Variants in PIGL observed in about 807,000 individuals in gnomAD.
PIGL encodes the protein N-acetylglucosaminyl-phosphatidylinositol de-N-acetylase.
Under a neutral mutation model 31.1 loss-of-function variants are expected in PIGL, and 22 were observed. The ratio of observed to expected loss-of-function variants is 0.71; its 90% CI spans 0.51 to 1.01. The LOEUF is 1.01. Among genes scored for constraint, PIGL ranks in the 50% least tolerant of loss-of-function variants. The pLI is 0.00. For synonymous variants in PIGL, 131 were observed against 117.4 expected, an observed-to-expected ratio of 1.12 and a Z score of -0.75; for missense variants, 302 against 315.9, an observed-to-expected ratio of 0.96 and a Z score of 0.33.
rs1285566194 is a variant in PIGL at position 16,239,342 on chromosome 17, G to T, written c.335+5272G>T. On this transcript the variant is annotated intron_variant, in intron 2 of 6. Transcript: ENST00000225609. ...ACTAAAGATACAAAAAATTAGCCAG[G>T]CGTGGTGGCATACACCTGTAATCCC... Among the ~76,000 whole-genome samples the T allele has an allele frequency of 2.6e-5, 4 of 151,734 alleles. 1 individual carries two copies. Among genetic ancestry groups the T allele is most frequent in the Admixed American group, 2.0e-4 (3 of 15,206 alleles).
intron 2 of PIGL, among the ~76,000 whole-genome samples, chr17:16,293,635 C>G (rs924818260): frequency 3.3e-5 from 5 of 152,216 alleles, no homozygotes; most frequent in Admixed American, 3.3e-4. Flanking sequence ...GTACTTCTGT[C>G]AAGCAACTAG....
At chr17:16,244,003 C>A (rs1289325441) in intron 2 of PIGL, among the ~76,000 whole-genome samples, 1 of 152,088 alleles carries the variant, frequency 6.6e-6, no homozygotes, top group Non-Finnish European at 1.5e-5. Flanking sequence ...CATGGGGAGT[C>A]GAAGGTCTCT....
At chr17:16,256,162 T>C (rs923016101) in intron 2 of PIGL, among the ~76,000 whole-genome samples, 2 of 152,340 alleles carry the variant, frequency 1.3e-5, no homozygotes, top group African/African-American at 4.8e-5. Context: ...TATTGTGATA[T>C]TCATTGCAGC....
intron 2 of PIGL, among the ~76,000 whole-genome samples, chr17:16,241,588 T>C (rs1032904376): frequency 1.3e-5 from 2 of 151,814 alleles, no homozygotes; most frequent in Non-Finnish European, 2.9e-5. Context: ...AAGAAAATCT[T>C]TGGGGTGAAT....
At chr17:16,291,925 T>C (rs1318197932) in intron 2 of PIGL, among the ~76,000 whole-genome samples, 1 of 151,296 alleles carries the variant, frequency 6.6e-6, no homozygotes, top group East Asian at 1.9e-4. Flanking sequence ...ACCAGGAGTT[T>C]AAGACTAGCC....
At chr17:16,311,603 G>GCGGCCTTC in intron 3 of PIGL, among the ~76,000 whole-genome samples, 1 of 148,618 alleles carries the variant, frequency 6.7e-6, no homozygotes, top group East Asian at 2.0e-4. Context: ...AGAGGACCCT[G>GCGGCCTTC]CGGCCTTCCG....
intron 2 of PIGL, among the ~76,000 whole-genome samples, chr17:16,257,292 C>T (rs1205117678): frequency 6.6e-6 from 1 of 152,096 alleles, no homozygotes; most frequent in South Asian, 2.1e-4. Context: ...CGGCGGGCGC[C>T]TGTAATCCCA....
chr17:16,319,911 G>A (rs929918900), intron 6 of PIGL, among the ~76,000 whole-genome samples: 5 of 151,954 alleles, frequency 3.3e-5, no homozygotes, highest in African/African-American at 1.2e-4. Flanking sequence ...GGTGGGCTGA[G>A]GAGAATTATT....
chr17:16,231,459 T>G (rs1045200124), intron 1 of PIGL, among the ~76,000 whole-genome samples: 9 of 151,988 alleles, frequency 5.9e-5, no homozygotes, highest in Non-Finnish European at 1.0e-4. Context: ...AGGCTGGTTT[T>G]GAACTCCTGG....
chr17:16,300,968 A>G (rs1600842037), intron 3 of PIGL, among the ~76,000 whole-genome samples: 1 of 152,182 alleles, frequency 6.6e-6, no homozygotes, highest in East Asian at 1.9e-4. Context: ...CCCATAGTCA[A>G]TTTTAAAGCT....
intron 1 of PIGL, among the ~76,000 whole-genome samples, chr17:16,227,283 G>C (rs2092656155): frequency 6.6e-6 from 1 of 151,166 alleles, no homozygotes. Flanking sequence ...AGCTAATTTT[G>C]GTATTTTTGT....
intron 2 of PIGL, among the ~76,000 whole-genome samples, chr17:16,261,750 C>T (rs1322217555): frequency 6.6e-6 from 1 of 151,930 alleles, no homozygotes; most frequent in African/African-American, 2.4e-5. Context: ...TACAAGTGCG[C>T]ACCACCATGC....
chr17:16,275,013 C>T (rs1429761639), intron 2 of PIGL, among the ~76,000 whole-genome samples: 1 of 142,384 alleles, frequency 7.0e-6, no homozygotes, highest in Non-Finnish European at 1.5e-5. Context: ...GCCTGGGCAA[C>T]AGAGCAAGAC....
In PIGL at chr17:16,253,508, A is replaced by T. The variant is rs1347603811; in HGVS notation, c.335+19438A>T. Among the ~76,000 whole-genome samples, 6 of 152,166 alleles carry T rather than the reference A, an allele frequency of 3.9e-5. No individual in the cohort carries two copies. In the East Asian group the frequency reaches 1.2e-3, roughly 29 times the overall value. On this transcript the variant is annotated intron_variant, in intron 2 of 6. Transcript: ENST00000225609. Reference sequence around the variant, plus strand: ...ACATTGTACCCCATAAATATATACAATTATTACTTTTTTAAAAGATTTTTT... The same window carrying T: ...ACATTGTACCCCATAAATATATACATTTATTACTTTTTTAAAAGATTTTTT...
intron 3 of PIGL, among the ~76,000 whole-genome samples, chr17:16,313,016 G>A (rs1174558584): frequency 6.6e-6 from 1 of 152,050 alleles, no homozygotes; most frequent in African/African-American, 2.4e-5. Context: ...TACAGACTGA[G>A]CTTGTAGTTA....
intron 4 of PIGL, among the ~76,000 whole-genome samples, chr17:16,315,320 C>T (rs1009250287): frequency 2.6e-5 from 4 of 152,234 alleles, no homozygotes; most frequent in African/African-American, 7.2e-5. Flanking sequence ...GTTAGACTCA[C>T]GTTAGTCCTC....
intron 1 of PIGL, among the ~76,000 whole-genome samples, chr17:16,221,769 G>C (rs1176484678): frequency 2.0e-5 from 3 of 152,070 alleles, no homozygotes; most frequent in Non-Finnish European, 4.4e-5. Flanking sequence ...ACAGGTGCCC[G>C]CCACTATGCC....
chr17:16,310,611 A>G (rs1157176245), intron 3 of PIGL, among the ~76,000 whole-genome samples: 1 of 151,950 alleles, frequency 6.6e-6, no homozygotes, highest in Non-Finnish European at 1.5e-5. Context: ...ATATTGGCTC[A>G]CTGCAATCTC....
At chr17:16,318,630 T>C (rs1297670189) in intron 6 of PIGL, among the ~76,000 whole-genome samples, 2 of 152,052 alleles carry the variant, frequency 1.3e-5, no homozygotes, top group East Asian at 3.9e-4. Context: ...GATCACACAG[T>C]GCCTATTTAA....
Sources: allele counts gnomAD v4.1 joint callset (sites outside exome capture counted in the v4.1 genomes callset), GRCh38; gene constraint gnomAD v4.1.1; transcripts MANE v1.5; gene names NCBI Gene and HGNC (gene_info 2026-07-23, HGNC 2026-07-21).